KAZN: variants seen among roughly 807,000 people sequenced by gnomAD.
KAZN encodes the protein kazrin, periplakin interacting protein.
In KAZN, 40 loss-of-function variants were observed where a neutral mutation model predicts 87.4. That is an observed-to-expected ratio of 0.46 (90% CI 0.36 to 0.60). KAZN has a LOEUF of 0.60. Ranked by LOEUF, KAZN falls within the 20% of genes least tolerant of loss-of-function variation. The pLI is 0.00. For missense variants in KAZN, 898 were observed against 1,073.9 expected (o/e 0.84, Z 2.29); for synonymous variants, 466 against 458.3 (o/e 1.02, Z -0.22).
intron 1 of KAZN, among the ~76,000 whole-genome samples, chr1:14,105,092 A>G (rs1340702688): frequency 6.6e-6 from 1 of 152,172 alleles, no homozygotes; most frequent in Non-Finnish European, 1.5e-5. Flanking sequence ...TGTTTTTAGC[A>G]TTGACTGTAT....
At chr1:14,123,733 A>G (rs576256848) in intron 1 of KAZN, among the ~76,000 whole-genome samples, 1 of 152,182 alleles carries the variant, frequency 6.6e-6, no homozygotes, top group South Asian at 2.1e-4. Flanking sequence ...TCTGAGATCA[A>G]TCTTCCCAAA....
rs75928907 is a variant in KAZN at position 14,313,198 on chromosome 1, T to C, written c.249+132606T>C. Among the ~76,000 whole-genome samples, 382 of 152,242 alleles carry C rather than the reference T, an allele frequency of 2.5e-3. 2 individuals are homozygous for C. The highest frequency in any genetic ancestry group is 8.9e-3 in the African/African-American group (372 of 41,574). ...CCAGCACCCCAGAAGCTGTGCTCTATACTTCATGGTCCCCACACCTCTCCA... is the reference window on the plus strand; with the variant it reads ...CCAGCACCCCAGAAGCTGTGCTCTACACTTCATGGTCCCCACACCTCTCCA... On this transcript the variant is annotated intron_variant, in intron 2 of 16. Coordinates refer to the KAZN transcript ENST00000636203.
intron 2 of KAZN, among the ~76,000 whole-genome samples, chr1:14,188,142 T>C (rs80173462): frequency 6.6e-6 from 1 of 151,318 alleles, no homozygotes; most frequent in Non-Finnish European, 1.5e-5. Context: ...GACATTCTCT[T>C]TGAACATGAC....
chr1:15,059,580 G>A (rs1457434982), intron 5 of KAZN, among the ~76,000 whole-genome samples: 3 of 152,154 alleles, frequency 2.0e-5, no homozygotes, highest in Admixed American at 1.3e-4. Flanking sequence ...GCGAGAGTCA[G>A]TGGTGGCAAT....
intron 1 of KAZN, among the ~76,000 whole-genome samples, chr1:14,653,785 C>T (rs913136401): frequency 1.3e-5 from 2 of 152,130 alleles, no homozygotes; most frequent in African/African-American, 2.4e-5. Flanking sequence ...TGGCAATAAA[C>T]CCTGAAGAGC....
At chr1:14,183,517 G>A (rs942180031) in intron 2 of KAZN, among the ~76,000 whole-genome samples, 3 of 152,084 alleles carry the variant, frequency 2.0e-5, no homozygotes, top group African/African-American at 7.2e-5. Context: ...CCGATCTTGT[G>A]GCTTTGATTC....
intron 1 of KAZN, among the ~76,000 whole-genome samples, chr1:14,715,411 A>C (rs1642738195): frequency 6.6e-6 from 1 of 152,196 alleles, no homozygotes. Context: ...AAATGAGGTG[A>C]CACTTGGCAC....
chr1:14,639,482 C>T (rs766450690), intron 1 of KAZN, among the ~76,000 whole-genome samples: 1 of 152,172 alleles, frequency 6.6e-6, no homozygotes, highest in Non-Finnish European at 1.5e-5. Flanking sequence ...CCATAGGGCA[C>T]AGTGGGGACC....
chr1:14,716,993 C>T (rs1001615093), intron 1 of KAZN, among the ~76,000 whole-genome samples: 7 of 151,606 alleles, frequency 4.6e-5, no homozygotes, highest in African/African-American at 1.5e-4. Context: ...GGAATGCCTT[C>T]TCCTCCAGCC....
chr1:14,973,557 T>C (rs931521529), intron 2 of KAZN, among the ~76,000 whole-genome samples: 7 of 152,138 alleles, frequency 4.6e-5, no homozygotes, highest in African/African-American at 1.7e-4. Flanking sequence ...AGGGTGGGCA[T>C]GTAAAAGAAA....
chr1:14,313,292 T>G (rs1487473980), intron 2 of KAZN, among the ~76,000 whole-genome samples: 1 of 152,140 alleles, frequency 6.6e-6, no homozygotes. Flanking sequence ...GATCTTGAAC[T>G]CTCTGTAAAT....
intron 1 of KAZN, among the ~76,000 whole-genome samples, chr1:14,663,116 G>T (rs1019230884): frequency 4.6e-5 from 7 of 151,674 alleles, no homozygotes; most frequent in Non-Finnish European, 1.0e-4. Context: ...AACAGCAGGC[G>T]TGCATCACCA....
At chr1:14,683,442 A>G (rs2148767229) in intron 1 of KAZN, among the ~76,000 whole-genome samples, 1 of 152,206 alleles carries the variant, frequency 6.6e-6, no homozygotes, top group South Asian at 2.1e-4. Context: ...TCAACTCAAG[A>G]TGCTATTAGG....
intron 2 of KAZN, among the ~76,000 whole-genome samples, chr1:14,580,241 C>T (rs531962825): frequency 1.3e-5 from 2 of 152,226 alleles, no homozygotes; most frequent in Non-Finnish European, 2.9e-5. Context: ...TTTGGGAGGC[C>T]AAGGCAAGTG....
intron 1 of KAZN, among the ~76,000 whole-genome samples, chr1:14,630,722 G>A (rs1396616943): frequency 6.6e-6 from 1 of 152,114 alleles, no homozygotes; most frequent in Non-Finnish European, 1.5e-5. Flanking sequence ...CAGTTCAACA[G>A]TGTAGCCTAG....
intron 1 of KAZN, among the ~76,000 whole-genome samples, chr1:14,814,740 C>T (rs1646515209): frequency 6.6e-6 from 1 of 152,174 alleles, no homozygotes; most frequent in Admixed American, 6.5e-5. Context: ...AAGCAGGGCT[C>T]CAGCCCAGCA....
intron 1 of KAZN, among the ~76,000 whole-genome samples, chr1:14,766,926 A>G (rs924561351): frequency 2.0e-5 from 3 of 152,082 alleles, no homozygotes; most frequent in Non-Finnish European, 4.4e-5. Context: ...GAGCTACAAC[A>G]GAGAAATATA....
intron 1 of KAZN, among the ~76,000 whole-genome samples, chr1:14,727,543 G>A (rs1158432002): frequency 1.1e-4 from 14 of 129,880 alleles, no homozygotes; most frequent in African/African-American, 1.7e-4. Flanking sequence ...GCAATGGCAC[G>A]ATCTCGGCAC....
At chr1:14,418,122 C>T (rs1664978880) in intron 2 of KAZN, among the ~76,000 whole-genome samples, 1 of 146,500 alleles carries the variant, frequency 6.8e-6, no homozygotes, top group South Asian at 2.3e-4. Flanking sequence ...AGTGGAACCA[C>T]GGCATATCCT....
Sources: gnomAD v4.1 joint callset for allele counts (sites outside exome capture counted in the v4.1 genomes callset) on GRCh38, gnomAD v4.1.1 for gene constraint, MANE v1.5 for transcripts, NCBI Gene and HGNC (gene_info 2026-07-23, HGNC 2026-07-21) for gene names.